RAN: variants seen among roughly 807,000 people sequenced by gnomAD.
RAN encodes GTP-binding nuclear protein Ran.
Under a neutral mutation model 26.8 loss-of-function variants are expected in RAN, and 2 were observed. The ratio of observed to expected loss-of-function variants is 0.07; its 90% confidence interval spans 0.03 to 0.23. RAN has a LOEUF of 0.23. Ranked by LOEUF, RAN falls within the 10% of genes least tolerant of loss-of-function variation. The pLI is 1.00. For synonymous variants in RAN, 132 were observed against 95.9 expected, an observed-to-expected ratio of 1.38 and a Z score of -2.20; for missense variants, 56 against 264.8, an observed-to-expected ratio of 0.21 and a Z score of 5.47.
intron 4 of RAN, 66 bp downstream of exon 4, chr12:130,873,194 A>G: frequency 2.5e-6 from 4 of 1,601,312 alleles, no homozygotes; most frequent in Admixed American, 1.7e-5. Flanking sequence ...TCAAGGTTAT[A>G]GAAAATCAGG....
rs1270982206 is a variant in RAN, at chr12:130,872,099, C to T, written c.-38C>T. On this transcript the variant is annotated 5_prime_UTR_variant, in exon 1 of 7. Coordinates refer to ENST00000543796, the MANE Select transcript of RAN (RefSeq NM_006325.5). ...CTTCCGCCATCTTTCCAGCCTCAGT[C>T]GGACGGGCGCGGAGACGCTTCTGGA... is the stretch of plus-strand genomic sequence containing the variant. The T allele has an allele frequency of 1.3e-5, 4 of 316,946 alleles. No individual in the cohort carries two copies. The highest frequency in any genetic ancestry group is 3.6e-5 in the Admixed American group (1 of 27,618). 19.6% of individuals were successfully genotyped at this position (316,946 alleles called of 1,614,324 possible). A position where few individuals can be genotyped will look rare whatever the true frequency, so the allele number is the denominator to read the frequency against.
Position 130,876,394 on chromosome 12 carries a change from CTA to C in RAN, c.*470_*471del, listed in dbSNP as rs1953241615. ...TTGCTTTTATCACTTAATTTGAAATCTATTGGGTTAATTTCTCCCTATGTTTA... is the reference window on the plus strand; with the variant it reads ...TTGCTTTTATCACTTAATTTGAAATCTTGGGTTAATTTCTCCCTATGTTTA... On this transcript the variant is annotated 3_prime_UTR_variant, in exon 7 of 7. Transcript: ENST00000543796. 3 of 166,972 alleles carry C rather than the reference CTA, an allele frequency of 1.8e-5. No individual in the cohort carries two copies. The highest frequency in any genetic ancestry group is 3.9e-5 in the Non-Finnish European group (3 of 77,208). The allele number at this position is 166,972 out of a possible 1,614,324, so 10.3% of individuals were successfully genotyped here. A position where few individuals can be genotyped will look rare whatever the true frequency, so the allele number is the denominator to read the frequency against.
At chr12:130,872,687 C>T (rs1354467399) in intron 2 of RAN, 58 bp downstream of exon 2, 4 of 1,534,304 alleles carry the variant, frequency 2.6e-6, no homozygotes, top group Admixed American at 2.1e-5. Flanking sequence ...ACTCGCGGGT[C>T]CCTCCTCCTG....
intron 3 of RAN, 40 bp downstream of exon 3, chr12:130,872,960 A>G: frequency 3.7e-6 from 6 of 1,614,112 alleles, no homozygotes; most frequent in Non-Finnish European, 5.1e-6. Flanking sequence ...ATATGTGAGA[A>G]ATGGGTAAGT....
rs1206658089 is a variant in RAN, at chr12:130,874,531, CA to C, written c.248-12del. ...AGTAAACTGAGTGTACTAATTCCCACAAATGTTTCTTCAGCCCAGTGTGCCA... is the reference window on the plus strand; with the variant it reads ...AGTAAACTGAGTGTACTAATTCCCACAATGTTTCTTCAGCCCAGTGTGCCA... On this transcript the variant is annotated splice_polypyrimidine_tract_variant and intron_variant, in intron 4 of 6. Coordinates refer to ENST00000543796, the MANE Select transcript of RAN (RefSeq NM_006325.5). 6.5e-7 allele frequency: 1 copy of C among 1,547,126 alleles called. No individual in the cohort carries two copies. The highest frequency in any genetic ancestry group is 1.1e-5 in the South Asian group (1 of 87,008).
intron 1 of RAN, 22 bp downstream of exon 1, chr12:130,872,148 G>T: frequency 4.8e-6 from 1 of 207,054 alleles, no homozygotes; most frequent in South Asian, 4.8e-5. Flanking sequence ...CGGCGGGCCC[G>T]GCACGGCCGG....
chr12:130,872,403 GC>G, intron 1 of RAN, 180 bp from the exon 2 acceptor site: 1 of 172,978 alleles, frequency 5.8e-6, no homozygotes, highest in Non-Finnish European at 1.2e-5. Context: ...CGTTCCCCGG[GC>G]CCCGCCGCCC....
intron 2 of RAN, 67 bp downstream of exon 2, chr12:130,872,696 T>G: frequency 6.5e-7 from 1 of 1,543,168 alleles, no homozygotes; most frequent in East Asian, 2.3e-5. Flanking sequence ...TCCCTCCTCC[T>G]GGGGCCACGA....
chr12:130,876,154 T>A lies in RAN; in HGVS notation c.*228T>A. ...TTAGCTGTTTTGGAACGCAGTTGAT[T>A]CCTTGAGTTTCATATATAAGACTGC... On this transcript the variant is annotated 3_prime_UTR_variant, in exon 7 of 7. Transcript: ENST00000543796. The A allele has an allele frequency of 1.8e-6, 1 of 568,388 alleles. No individual in the cohort carries two copies. The highest frequency in any genetic ancestry group is 2.9e-5 in the East Asian group (1 of 34,070). The allele number at this position is 568,388 out of a possible 1,614,324, so 35.2% of individuals were successfully genotyped here. A position where few individuals can be genotyped will look rare whatever the true frequency, so the allele number is the denominator to read the frequency against.
chr12:130,876,144 C>T lies in RAN; in HGVS notation c.*218C>T, dbSNP rs1469673358. On this transcript the variant is annotated 3_prime_UTR_variant, in exon 7 of 7. Coordinates refer to ENST00000543796, the MANE Select transcript of RAN (RefSeq NM_006325.5). ...ACCTGCATATTTAGCTGTTTTGGAA[C>T]GCAGTTGATTCCTTGAGTTTCATAT... The T allele has an allele frequency of 3.1e-5, 18 of 579,710 alleles. No homozygotes were observed. Among genetic ancestry groups the T allele is most frequent in the South Asian group, 2.6e-4 (12 of 47,010 alleles). 35.9% of individuals were successfully genotyped at this position (579,710 alleles called of 1,614,324 possible).
Position 130,872,991 on chromosome 12 carries a change from T to C in RAN, c.122-12T>C, listed in dbSNP as rs1461115902. ...TAAGTTCATCCACTCAATCGCATCGTTTCCGTTTCAGCCACCTTGGGTGTT... is the reference window on the plus strand; with the variant it reads ...TAAGTTCATCCACTCAATCGCATCGCTTCCGTTTCAGCCACCTTGGGTGTT... On this transcript the variant is annotated splice_polypyrimidine_tract_variant and intron_variant, in intron 3 of 6. Transcript: ENST00000543796. 6.2e-7 allele frequency: 1 copy of C among 1,614,238 alleles called. No individual in the cohort carries two copies. Among genetic ancestry groups the C allele is most frequent in the Non-Finnish European group, 8.5e-7 (1 of 1,180,038 alleles).
At position 130,875,940 on chromosome 12, in the gene RAN, G is replaced by C; in HGVS notation, c.*14G>C. ...GATGACCTGTGAGAATGAAGCTGGA[G>C]CCCAGCGTCAGAAGTCTAGTTTTAT... On this transcript the variant is annotated 3_prime_UTR_variant, in exon 7 of 7. Transcript: ENST00000543796. 6.2e-7 allele frequency: 1 copy of C among 1,613,604 alleles called. No homozygotes were observed.
At position 130,872,611 on chromosome 12, in the gene RAN, G is replaced by A; in HGVS notation, c.18G>A (p.Glu6=). The A allele has an allele frequency of 1.3e-6, 2 of 1,527,454 alleles. No homozygotes were observed. The highest frequency in any genetic ancestry group is 1.8e-6 in the Non-Finnish European group (2 of 1,140,998). 94.6% of individuals were successfully genotyped at this position (1,527,454 alleles called of 1,614,324 possible). MAAQG[E]PQVQFKLVLV... ...ACGCCGCGATGGCTGCGCAGGGAGA[G>A]CCCCAGGTCCAGTTCAAAGTAGGTA... Residue 6 remains glutamate (E), a synonymous_variant, in exon 2 of 7, where the codon GAG becomes GAA. Transcript: ENST00000543796.
Position 130,876,089 on chromosome 12 carries a change from G to A in RAN, c.*163G>A, listed in dbSNP as rs901152461. 2 of 718,568 alleles carry A rather than the reference G, an allele frequency of 2.8e-6. No individual in the cohort carries two copies. The highest frequency in any genetic ancestry group is 4.5e-6 in the Non-Finnish European group (2 of 440,222). 44.5% of individuals were successfully genotyped at this position (718,568 alleles called of 1,614,324 possible). A position where few individuals can be genotyped will look rare whatever the true frequency, so the allele number is the denominator to read the frequency against. On this transcript the variant is annotated 3_prime_UTR_variant, in exon 7 of 7. Transcript: ENST00000543796. ...GATGAGTGGGCTTCGGAGTGAATGTGGCAGTTTAAAAAATAACTTCATTGT... is the reference window on the plus strand; with the variant it reads ...GATGAGTGGGCTTCGGAGTGAATGTAGCAGTTTAAAAAATAACTTCATTGT...
At chr12:130,875,296 A>C (rs1418260480) in intron 5 of RAN, among the ~76,000 whole-genome samples, 1 of 152,162 alleles carries the variant, frequency 6.6e-6, no homozygotes, top group Non-Finnish European at 1.5e-5. Context: ...AACATAGCTC[A>C]CTGTAGCCCT....
chr12:130,874,915 C>T (rs376271569), intron 5 of RAN, among the ~76,000 whole-genome samples, 182 bp downstream of exon 5: 11 of 152,056 alleles, frequency 7.2e-5, no homozygotes, highest in African/African-American at 1.9e-4. Context: ...CTCCGCCTCC[C>T]GGGTTCAAGC....
Position 130,875,914 on chromosome 12 carries a change from T to C in RAN, c.639T>C (p.Asp213=). The change falls in exon 7 of 7, where the codon GAT becomes GAC. Residue 213 remains aspartate, a synonymous_variant. Coordinates refer to ENST00000543796, the MANE Select transcript of RAN (RefSeq NM_006325.5). The part of the protein sequence containing the change: ...VAQTTALPDE[D]DDL ...AGACAACTGCTCTCCCGGATGAGGATGATGACCTGTGAGAATGAAGCTGGA... is the reference window on the plus strand; with the variant it reads ...AGACAACTGCTCTCCCGGATGAGGACGATGACCTGTGAGAATGAAGCTGGA... The C allele has an allele frequency of 6.2e-7, 1 of 1,614,170 alleles. No homozygotes were observed.
chr12:130,874,880 T>C, intron 5 of RAN, 147 bp downstream of exon 5: 1 of 724,936 alleles, frequency 1.4e-6, no homozygotes, highest in Non-Finnish European at 2.2e-6. Context: ...TGGAGTGCAG[T>C]GTCGCAATCT....
rs746946183 is a variant in RAN at position 130,875,656 on chromosome 12, C to T, written c.480C>T (p.Pro160=). The T allele has an allele frequency of 1.2e-6, 2 of 1,612,268 alleles. No homozygotes were observed. Among genetic ancestry groups the T allele is most frequent in the South Asian group, 1.1e-5 (1 of 90,752 alleles). Residue 160 remains proline (P), a synonymous_variant, in exon 6 of 7, where the codon CCC becomes CCT. Coordinates refer to ENST00000543796, the MANE Select transcript of RAN (RefSeq NM_006325.5). ...SAKSNYNFEK[P]FLWLARKLIG... ...AAAGTAACTACAACTTTGAAAAGCCCTTCCTCTGGCTTGCTAGGAAGCTCA... is the reference window on the plus strand; with the variant it reads ...AAAGTAACTACAACTTTGAAAAGCCTTTCCTCTGGCTTGCTAGGAAGCTCA...
Sources: gnomAD v4.1 joint callset for allele counts (sites outside exome capture counted in the v4.1 genomes callset) on GRCh38, gnomAD v4.1.1 for gene constraint, MANE v1.5 for transcripts, NCBI Gene and HGNC (gene_info 2026-07-23, HGNC 2026-07-21) for gene names.